ESRRG: variants seen among roughly 807,000 people sequenced by gnomAD.
The protein encoded by ESRRG is estrogen-related receptor gamma.
In ESRRG, 13 loss-of-function variants were observed where a neutral mutation model predicts 44.0. The observed-to-expected ratio is 0.30, with a 90% CI of 0.19 to 0.47. ESRRG has a LOEUF of 0.47. Among genes scored for constraint, ESRRG ranks in the 20% least tolerant of loss-of-function variants. The pLI is 1.00. For missense variants in ESRRG, 395 were observed against 580.6 expected (o/e 0.68, Z 3.29); for synonymous variants, 215 against 214.6 (o/e 1.00, Z -0.02).
intron 1 of ESRRG, among the ~76,000 whole-genome samples, chr1:217,123,819 G>T (rs1298307216): frequency 6.6e-6 from 1 of 152,100 alleles, no homozygotes; most frequent in Non-Finnish European, 1.5e-5. Context: ...TTAATATCTG[G>T]ATGATGGGTT....
chr1:216,653,170 A>G (rs1452289361), intron 2 of ESRRG, among the ~76,000 whole-genome samples: 1 of 152,100 alleles, frequency 6.6e-6, no homozygotes, highest in African/African-American at 2.4e-5. Context: ...AACCTGTTCC[A>G]CTTCCTCTTT....
At chr1:216,692,312 ATGTGTGTGTGTGTGTG>A (rs56856888) in intron 1 of ESRRG, among the ~76,000 whole-genome samples, 2 of 147,592 alleles carry the variant, frequency 1.4e-5, no homozygotes, top group East Asian at 2.0e-4. Context: ...AGGCTAGTGT[ATGTGTGTGTGTGTGTG>A]TGTGTGTGTG....
chr1:216,807,341 G>C (rs1236216093), intron 2 of ESRRG, among the ~76,000 whole-genome samples: 1 of 152,048 alleles, frequency 6.6e-6, no homozygotes, highest in East Asian at 1.9e-4. Context: ...CTCTGGATGT[G>C]GTTCAGGTCT....
intron 1 of ESRRG, among the ~76,000 whole-genome samples, chr1:216,708,741 T>A (rs1156906005): frequency 2.6e-5 from 4 of 152,138 alleles, no homozygotes; most frequent in African/African-American, 9.7e-5. Flanking sequence ...TATAAATCAT[T>A]CTATTATAAA....
chr1:217,031,915 T>C (rs111978944), intron 1 of ESRRG, among the ~76,000 whole-genome samples: 36 of 152,304 alleles, frequency 2.4e-4, no homozygotes, highest in African/African-American at 8.4e-4. Flanking sequence ...CAATTAAAAC[T>C]CTTTTCTTTA....
At chr1:216,723,179 G>T in intron 1 of ESRRG, 65 bp downstream of exon 1, 1 of 1,348,622 alleles carries the variant, frequency 7.4e-7, no homozygotes, top group Admixed American at 1.7e-5. Flanking sequence ...TAAAGATATA[G>T]TCTGTCCGCC....
chr1:216,923,324 A>G (rs372919466), intron 2 of ESRRG, among the ~76,000 whole-genome samples: 34 of 152,382 alleles, frequency 2.2e-4, no homozygotes, highest in African/African-American at 7.0e-4. Context: ...GCTTTCATAC[A>G]AAGGCTTAAT....
At chr1:216,711,254 T>A (rs2083538761) in intron 1 of ESRRG, among the ~76,000 whole-genome samples, 1 of 152,164 alleles carries the variant, frequency 6.6e-6, no homozygotes. Context: ...GGGATCATTT[T>A]ATTACAACTC....
Position 216,784,950 on chromosome 1 carries a change from A to T in ESRRG, c.-13-107459T>A, listed in dbSNP as rs1031914966. Among the ~76,000 whole-genome samples, 74 of 152,200 alleles carry T rather than the reference A, an allele frequency of 4.9e-4. 1 individual carries two copies. The highest frequency in any genetic ancestry group is 6.8e-3 in the Middle Eastern group (2 of 294). Reference sequence around the variant, plus strand: ...CAATTCTCCACTAGGTCTACCTTGGATTCCTGTGAACAAGGAGATAACACT... The same window carrying T: ...CAATTCTCCACTAGGTCTACCTTGGTTTCCTGTGAACAAGGAGATAACACT... On this transcript the variant is annotated intron_variant, in intron 2 of 7. Transcript: ENST00000359162.
intron 2 of ESRRG, among the ~76,000 whole-genome samples, chr1:216,672,048 A>T (rs1296679881): frequency 1.3e-5 from 2 of 151,546 alleles, no homozygotes; most frequent in South Asian, 4.1e-4. Context: ...GAAAGAAAGA[A>T]GGAAGGAAGG....
At chr1:216,690,797 C>G (rs1209795472) in intron 1 of ESRRG, among the ~76,000 whole-genome samples, 3 of 152,086 alleles carry the variant, frequency 2.0e-5, no homozygotes, top group African/African-American at 7.2e-5. Context: ...CTTTAAAGGA[C>G]TCCCAGAATT....
intron 1 of ESRRG, among the ~76,000 whole-genome samples, chr1:216,679,299 A>C (rs371948572): frequency 3.0e-4 from 46 of 152,290 alleles, no homozygotes; most frequent in African/African-American, 1.1e-3. Context: ...CGTTGTAATT[A>C]ATAGATCGCT....
intron 1 of ESRRG, among the ~76,000 whole-genome samples, chr1:217,017,872 G>T (rs1046784134): frequency 5.9e-5 from 9 of 152,270 alleles, no homozygotes; most frequent in Non-Finnish European, 1.0e-4. Context: ...CCTTAGCAGG[G>T]CCATAATCAA....
intron 1 of ESRRG, among the ~76,000 whole-genome samples, chr1:217,053,099 AT>A (rs2086359799): frequency 6.8e-6 from 1 of 147,814 alleles, no homozygotes; most frequent in South Asian, 2.2e-4. Flanking sequence ...TAGAAGTTTG[AT>A]ACCAGCTGAG....
At chr1:216,532,941 T>C (rs1290280452) in intron 5 of ESRRG, among the ~76,000 whole-genome samples, 1 of 152,194 alleles carries the variant, frequency 6.6e-6, no homozygotes, top group African/African-American at 2.4e-5. Context: ...ATACCATTGA[T>C]GATGTTTCCT....
chr1:216,889,080 C>A (rs1413214285), intron 2 of ESRRG, among the ~76,000 whole-genome samples: 1 of 152,170 alleles, frequency 6.6e-6, no homozygotes, highest in East Asian at 1.9e-4. Context: ...ACTTTTACTT[C>A]CTGTGCCTAT....
chr1:216,992,555 G>T (rs1448810018), intron 1 of ESRRG, among the ~76,000 whole-genome samples: 1 of 152,174 alleles, frequency 6.6e-6, no homozygotes, highest in Non-Finnish European at 1.5e-5. Flanking sequence ...TTGTATTAAT[G>T]GGGGAGAAAG....
At chr1:217,051,644 A>T (rs1293948741) in intron 1 of ESRRG, among the ~76,000 whole-genome samples, 1 of 152,206 alleles carries the variant, frequency 6.6e-6, no homozygotes, top group Non-Finnish European at 1.5e-5. Flanking sequence ...GCCATATGGA[A>T]TAGGAGTTGG....
upstream of ESRRG, chr1:216,723,535 G>T: frequency 1.9e-6 from 1 of 520,152 alleles, no homozygotes; most frequent in Non-Finnish European, 3.4e-6. Flanking sequence ...GCCGATTGGG[G>T]GGCCTCTGCC....
Sources: allele counts gnomAD v4.1 joint callset (sites outside exome capture counted in the v4.1 genomes callset), GRCh38; gene constraint gnomAD v4.1.1; transcripts MANE v1.5; gene names NCBI Gene and HGNC (gene_info 2026-07-23, HGNC 2026-07-21).